Variants in THADA observed in about 807,000 individuals in gnomAD.
THADA encodes the protein THADA armadillo repeat containing, also known as tRNA (32-2'-O)-methyltransferase regulator THADA.
In THADA, 213 loss-of-function variants were observed where a neutral mutation model predicts 219.8. The observed-to-expected ratio is 0.97, with a 90% confidence interval of 0.87 to 1.09. The LOEUF (loss-of-function observed/expected upper bound fraction) is 1.09, where lower values mean the gene tolerates loss of function less well. Among genes scored for constraint, THADA ranks in the 50% least tolerant of loss-of-function variants. THADA has a pLI of 0.00. For missense variants in THADA, 2,956 were observed against 2,311.3 expected, an observed-to-expected ratio of 1.28 and a Z score of -5.72; for synonymous variants, 1,018 against 828.9, an observed-to-expected ratio of 1.23 and a Z score of -3.92.
At chr2:43,581,483 G>T (rs754114786) in intron 8 of THADA, among the ~76,000 whole-genome samples, 2 of 148,652 alleles carry the variant, frequency 1.3e-5, no homozygotes, top group Non-Finnish European at 3.0e-5. Flanking sequence ...TGCAGAGGTT[G>T]CAGTGAATAA....
At chr2:43,586,681 A>C (rs1233671676) in intron 6 of THADA, 21 bp downstream of exon 6, 1 of 1,603,080 alleles carries the variant, frequency 6.2e-7, no homozygotes, top group Non-Finnish European at 8.5e-7. Flanking sequence ...TCATGGAACA[A>C]AATAAAATAA....
intron 16 of THADA, among the ~76,000 whole-genome samples, chr2:43,558,950 G>A (rs1009661018): frequency 6.6e-6 from 1 of 151,968 alleles, no homozygotes; most frequent in Non-Finnish European, 1.5e-5. Context: ...AATATACCAA[G>A]CACGGGTTTA....
chr2:43,282,285 G>A (rs1039517716), intron 35 of THADA, among the ~76,000 whole-genome samples: 8 of 152,120 alleles, frequency 5.3e-5, no homozygotes, highest in Non-Finnish European at 1.0e-4. Context: ...CTCACAGAAG[G>A]TCCCTTCTCA....
intron 30 of THADA, among the ~76,000 whole-genome samples, chr2:43,323,972 G>A (rs887678235): frequency 6.6e-6 from 1 of 152,238 alleles, no homozygotes; most frequent in African/African-American, 2.4e-5. Context: ...AGGCTGGTCA[G>A]GCTTTTAAGT....
chr2:43,435,796 A>AG (rs1195251362), intron 26 of THADA, among the ~76,000 whole-genome samples: 1 of 150,312 alleles, frequency 6.7e-6, no homozygotes, highest in Non-Finnish European at 1.5e-5. Context: ...AAAAAAAAAA[A>AG]AAAAGAAAGA....
At chr2:43,519,083 T>C (rs1189700949) in intron 22 of THADA, among the ~76,000 whole-genome samples, 1 of 151,972 alleles carries the variant, frequency 6.6e-6, no homozygotes, top group African/African-American at 2.4e-5. Context: ...TCTCATCACC[T>C]AGGATAGACA....
At chr2:43,329,173 A>C (rs1679681032) in intron 30 of THADA, among the ~76,000 whole-genome samples, 1 of 152,224 alleles carries the variant, frequency 6.6e-6, no homozygotes, top group Non-Finnish European at 1.5e-5. Flanking sequence ...ATTGCTGGTT[A>C]ATAACTTAAT....
At chr2:43,585,050 C>A (rs1255962999) in intron 7 of THADA, among the ~76,000 whole-genome samples, 1 of 152,126 alleles carries the variant, frequency 6.6e-6, no homozygotes, top group African/African-American at 2.4e-5. Context: ...CGTGGCAAAT[C>A]CAGTACCTAA....
chr2:43,525,372 C>T (rs913604382), intron 22 of THADA, among the ~76,000 whole-genome samples: 102 of 152,306 alleles, frequency 6.7e-4, no homozygotes, highest in African/African-American at 2.4e-3. Flanking sequence ...AGACTGAATC[C>T]AGGCTGGTCC....
At chr2:43,480,360 CCA>C (rs550893494) in intron 26 of THADA, among the ~76,000 whole-genome samples, 92 of 152,302 alleles carry the variant, frequency 6.0e-4, no homozygotes, top group African/African-American at 2.1e-3. Context: ...GACTCCAGCA[CCA>C]CAGATAACTG....
At chr2:43,330,981 C>T (rs755206460) in intron 30 of THADA, among the ~76,000 whole-genome samples, 9 of 152,204 alleles carry the variant, frequency 5.9e-5, no homozygotes, top group Non-Finnish European at 1.2e-4. Flanking sequence ...CAAATATCAG[C>T]TTAGATTAGA....
At chr2:43,418,041 C>T (rs1677217045) in intron 28 of THADA, among the ~76,000 whole-genome samples, 1 of 152,166 alleles carries the variant, frequency 6.6e-6, no homozygotes, top group African/African-American at 2.4e-5. Flanking sequence ...AGATAAGAAG[C>T]ATCGTCAAAA....
At chr2:43,464,650 C>T (rs1267350062) in intron 26 of THADA, among the ~76,000 whole-genome samples, 2 of 152,176 alleles carry the variant, frequency 1.3e-5, no homozygotes, top group East Asian at 3.8e-4. Context: ...CAAAATTCCC[C>T]AGAAAAATCT....
In THADA at chr2:43,591,008, C is replaced by T. The variant is rs1574401601; in HGVS notation, c.172-54G>A. ...TATAATATCAAATATAGCAAAGTAA[C>T]ATGGTTACAGATACTCTTTGAAGTC... On this transcript the variant is annotated intron_variant, in intron 3 of 37. Coordinates refer to ENST00000405975, the MANE Select transcript of THADA (RefSeq NM_022065.5). 3 of 1,539,248 alleles carry T rather than the reference C, an allele frequency of 1.9e-6. No homozygotes were observed. The East Asian group carries it at 6.8e-5, about 35-fold the overall frequency.
At chr2:43,498,247 G>C (rs1396945456) in intron 25 of THADA, among the ~76,000 whole-genome samples, 1 of 152,122 alleles carries the variant, frequency 6.6e-6, no homozygotes, top group African/African-American at 2.4e-5. Flanking sequence ...ATGGGAGTTA[G>C]TGTTTAATGA....
chr2:43,439,791 G>A (rs1178680776), intron 26 of THADA, among the ~76,000 whole-genome samples: 1 of 152,100 alleles, frequency 6.6e-6, no homozygotes, highest in Non-Finnish European at 1.5e-5. Context: ...CACAGATAAG[G>A]GAAGACTACT....
At position 43,586,915 on chromosome 2, in the gene THADA, G is replaced by A; in HGVS notation, c.390C>T (p.Asp130=). 1 of 1,613,862 alleles carries A rather than the reference G, an allele frequency of 6.2e-7. No individual in the cohort carries two copies. Among genetic ancestry groups the A allele is most frequent in the Non-Finnish European group, 8.5e-7 (1 of 1,179,838 alleles). ...SRLQEELNTT[D]LYSYRKVTDN... ...CAGTAACTTTCCTGTAAGAGTATAA[G>A]TCAGTAGTATTCAATTCTTCCTGAA... Residue 130 remains aspartate (D), a synonymous_variant, in exon 5 of 38, where the codon GAC becomes GAT. Coordinates refer to ENST00000405975, the MANE Select transcript of THADA (RefSeq NM_022065.5).
intron 31 of THADA, among the ~76,000 whole-genome samples, chr2:43,301,670 C>T (rs965382860): frequency 6.6e-6 from 1 of 152,188 alleles, no homozygotes; most frequent in South Asian, 2.1e-4. Flanking sequence ...CCAGAAAGCA[C>T]ATTACATTAA....
intron 22 of THADA, among the ~76,000 whole-genome samples, chr2:43,516,986 G>A (rs544275680): frequency 6.6e-6 from 1 of 152,168 alleles, no homozygotes; most frequent in South Asian, 2.1e-4. Context: ...TTAACTTCCT[G>A]ATCATGTTTT....
Sources: gnomAD v4.1 joint callset for allele counts (sites outside exome capture counted in the v4.1 genomes callset) on GRCh38, gnomAD v4.1.1 for gene constraint, MANE v1.5 for transcripts, NCBI Gene and HGNC (gene_info 2026-07-23, HGNC 2026-07-21) for gene names.